LACTB: variants seen among roughly 807,000 people sequenced by gnomAD.
LACTB encodes lactamase beta, also known as serine beta-lactamase-like protein LACTB, mitochondrial.
LACTB carries 35 observed loss-of-function variants against 50.2 expected under a neutral mutation model. The observed-to-expected ratio is 0.70, with a 90% CI of 0.53 to 0.92. LACTB has a LOEUF of 0.92. Ranked by LOEUF, LACTB falls within the 40% of genes least tolerant of loss-of-function variation. The probability of loss-of-function intolerance (pLI) is 0.00; values close to 1 mark genes in which losing one functional copy is unlikely to be tolerated. For missense variants in LACTB, 664 were observed against 691.8 expected, an observed-to-expected ratio of 0.96 and a Z score of 0.45; for synonymous variants, 252 against 268.2, an observed-to-expected ratio of 0.94 and a Z score of 0.59.
intron 5 of LACTB, among the ~76,000 whole-genome samples, chr15:63,133,559 T>G (rs1158021961): frequency 6.6e-6 from 1 of 152,158 alleles, no homozygotes; most frequent in Non-Finnish European, 1.5e-5. Context: ...CAGGCTGCAG[T>G]GAGCTATGAT....
At chr15:63,139,037 C>A (rs34822474) in intron 5 of LACTB, among the ~76,000 whole-genome samples, 1 of 119,720 alleles carries the variant, frequency 8.4e-6, no homozygotes, top group African/African-American at 3.6e-5. Flanking sequence ...GAGCAAGACT[C>A]TGTTTCAAAA....
At chr15:63,127,166 AG>A in intron 3 of LACTB, 117 bp downstream of exon 3, 1 of 955,296 alleles carries the variant, frequency 1.0e-6, no homozygotes, top group Non-Finnish European at 1.5e-6. Context: ...TTAATGTATT[AG>A]TTTTTCTTAA....
At chr15:63,141,144 T>A (rs2037224347) in intron 5 of LACTB, 136 bp from the exon 6 acceptor site, 21 of 1,430,482 alleles carry the variant, frequency 1.5e-5, no homozygotes, top group Non-Finnish European at 1.8e-5. Flanking sequence ...TGAAAATTAG[T>A]GGTTAGTTTA....
intron 5 of LACTB, chr15:63,131,215 C>T (rs2037128949): frequency 1.3e-5 from 2 of 152,204 alleles, no homozygotes; most frequent in Non-Finnish European, 2.9e-5. Flanking sequence ...TCTCTTGAAC[C>T]CAGGAGGCAG....
At chr15:63,132,476 T>C (rs1275210882) in intron 5 of LACTB, among the ~76,000 whole-genome samples, 1 of 152,326 alleles carries the variant, frequency 6.6e-6, no homozygotes, top group East Asian at 1.9e-4. Context: ...AATGCTCTTC[T>C]TATTTGGATT....
rs766032294 is a variant in LACTB, at chr15:63,127,369, G to T, written c.632G>T (p.Arg211Ile). 1.9e-6 allele frequency: 3 copies of T among 1,568,934 alleles called. No individual in the cohort carries two copies. Among genetic ancestry groups the T allele is most frequent in the Admixed American group, 4.1e-5 (2 of 48,308 alleles). The change falls in exon 4 of 6, where the codon AGA becomes ATA. Residue 211 changes from arginine (R) to isoleucine (I), a missense_variant. Physicochemically the swap from Arg to Ile is moderately conservative, Grantham distance 97. Transcript: ENST00000261893. ...YEGEKVSVTT[R>I]LLISHLSGIR... Reference sequence around the variant, plus strand: ...TACAATTAGGTTTCTGTCACAACAAGATTACTGATTTCCCATTTAAGTGGA... The same window carrying T: ...TACAATTAGGTTTCTGTCACAACAATATTACTGATTTCCCATTTAAGTGGA...
intron 5 of LACTB, among the ~76,000 whole-genome samples, chr15:63,139,474 A>C (rs2037208171): frequency 6.6e-6 from 1 of 152,024 alleles, no homozygotes; most frequent in Non-Finnish European, 1.5e-5. Flanking sequence ...CCAACATGGC[A>C]AAACCCCACC....
intron 2 of LACTB, chr15:63,126,130 T>G (rs1034541082): frequency 6.6e-6 from 1 of 152,132 alleles, no homozygotes. Flanking sequence ...TTAGCTAGAT[T>G]TGGTTTGCAG....
chr15:63,129,400 C>T, intron 4 of LACTB, 85 bp from the exon 5 acceptor site: 1 of 1,219,740 alleles, frequency 8.2e-7, no homozygotes, highest in Non-Finnish European at 1.1e-6. Flanking sequence ...AAAAGTATGC[C>T]AATTTTCAGT....
At chr15:63,138,868 C>T (rs1216430490) in intron 5 of LACTB, among the ~76,000 whole-genome samples, 3 of 151,476 alleles carry the variant, frequency 2.0e-5, no homozygotes, top group African/African-American at 7.3e-5. Context: ...AGGGAAACCC[C>T]GTTTCTACTA....
At chr15:63,136,992 A>G (rs2037184089) in intron 5 of LACTB, among the ~76,000 whole-genome samples, 1 of 152,206 alleles carries the variant, frequency 6.6e-6, no homozygotes, top group Admixed American at 6.5e-5. Context: ...CACCTGTTTA[A>G]AAGTATCTCA....
At chr15:63,124,382 C>T (rs1168494396) in intron 2 of LACTB, among the ~76,000 whole-genome samples, 1 of 152,126 alleles carries the variant, frequency 6.6e-6, no homozygotes, top group African/African-American at 2.4e-5. Flanking sequence ...TATACTGGAA[C>T]AGCTCGTGTC....
chr15:63,137,631 A>G (rs538747026), intron 5 of LACTB, among the ~76,000 whole-genome samples: 8 of 152,276 alleles, frequency 5.3e-5, no homozygotes, highest in Admixed American at 3.9e-4. Context: ...AAATGATCCA[A>G]TCCTACTCTT....
chr15:63,121,867 ACGC>A lies in LACTB; in HGVS notation c.-3_-1del. Reference sequence around the variant, plus strand: ...TTTGGTGGCGGCCGGCTGTGCAGAGACGCCATGTACCGGCTCATGTCAGCAGTG... The same window carrying A: ...TTTGGTGGCGGCCGGCTGTGCAGAGACATGTACCGGCTCATGTCAGCAGTG... On this transcript the variant is annotated 5_prime_UTR_variant, in exon 1 of 6. Coordinates refer to ENST00000261893, the MANE Select transcript of LACTB (RefSeq NM_032857.5). 1 of 1,355,122 alleles carries A rather than the reference ACGC, an allele frequency of 7.4e-7. No homozygotes were observed. The highest frequency in any genetic ancestry group is 9.4e-7 in the Non-Finnish European group (1 of 1,058,456). 83.9% of individuals were successfully genotyped at this position (1,355,122 alleles called of 1,614,324 possible). A position where few individuals can be genotyped will look rare whatever the true frequency, so the allele number is the denominator to read the frequency against.
In LACTB at chr15:63,122,678, G is replaced by T; in HGVS notation, c.400G>T (p.Asp134Tyr). 4 of 1,613,838 alleles carry T rather than the reference G, an allele frequency of 2.5e-6. No homozygotes were observed. Among genetic ancestry groups the T allele is most frequent in the Non-Finnish European group, 3.4e-6 (4 of 1,179,668 alleles). Reference protein sequence around the residue: ...APGIVVGVSVDGKEVWSEGLG... With the variant: ...APGIVVGVSVYGKEVWSEGLG... ...GGGCATAGTGGTTGGAGTTTCTGTA[G>T]ATGGAAAAGAAGTCTGGTCAGAAGG... Residue 134 changes from aspartate to tyrosine, a missense_variant, in exon 2 of 6, where the codon GAT (aspartate) becomes TAT (tyrosine). By Grantham distance (160) the Asp-to-Tyr change is radical. Coordinates refer to ENST00000261893, the MANE Select transcript of LACTB (RefSeq NM_032857.5).
chr15:63,132,087 G>A (rs4633662), intron 5 of LACTB, among the ~76,000 whole-genome samples: 111,614 of 152,048 alleles, frequency 0.73, 41,561 homozygotes, highest in East Asian at 0.98. Flanking sequence ...GGGTGTACAT[G>A]TGCAGGTTTG....
At chr15:63,132,607 C>T (rs771634030) in intron 5 of LACTB, among the ~76,000 whole-genome samples, 4 of 152,038 alleles carry the variant, frequency 2.6e-5, no homozygotes, top group Non-Finnish European at 5.9e-5. Context: ...TGTCTGAGCT[C>T]AGGAGATCAA....
At chr15:63,136,042 CTTT>C (rs55680025) in intron 5 of LACTB, among the ~76,000 whole-genome samples, 47 of 132,548 alleles carry the variant, frequency 3.5e-4, no homozygotes, top group Non-Finnish European at 4.7e-4. Flanking sequence ...ATTTTCTTTT[CTTT>C]TTTTTTTTTT....
chr15:63,140,022 G>T (rs1484560338), intron 5 of LACTB, among the ~76,000 whole-genome samples: 1 of 152,068 alleles, frequency 6.6e-6, no homozygotes, highest in Non-Finnish European at 1.5e-5. Context: ...CAGGAAGATT[G>T]CTTGAGCCCT....
Sources: gnomAD v4.1 joint callset for allele counts (sites outside exome capture counted in the v4.1 genomes callset) on GRCh38, gnomAD v4.1.1 for gene constraint, MANE v1.5 for transcripts, NCBI Gene and HGNC (gene_info 2026-07-23, HGNC 2026-07-21) for gene names.